The following BUB1 variants were observed in gnomAD, a reference collection of about 807,000 sequenced individuals.
The protein encoded by BUB1 is mitotic checkpoint serine/threonine-protein kinase BUB1.
In BUB1, 84 loss-of-function variants were observed where a neutral mutation model predicts 135.2. That is an observed-to-expected ratio of 0.62 (90% CI 0.52 to 0.74). The LOEUF (loss-of-function observed/expected upper bound fraction) is 0.74. Among genes scored for constraint, BUB1 ranks in the 30% least tolerant of loss-of-function variants. The pLI, the probability that BUB1 is intolerant of heterozygous loss-of-function variation, is 0.00. For synonymous variants in BUB1, 403 were observed against 434.4 expected (o/e 0.93, Z 0.90); for missense variants, 1,162 against 1,288.3 (o/e 0.90, Z 1.50).
intron 17 of BUB1, 103 bp downstream of exon 17, chr2:110,653,333 G>A: frequency 8.8e-7 from 1 of 1,141,574 alleles, no homozygotes; most frequent in Non-Finnish European, 1.3e-6. Flanking sequence ...GCTAAAATTA[G>A]GTATTCTATT....
At chr2:110,654,889 G>A (rs1689884067) in intron 16 of BUB1, among the ~76,000 whole-genome samples, 1 of 152,094 alleles carries the variant, frequency 6.6e-6, no homozygotes, top group Non-Finnish European at 1.5e-5. Context: ...TATTTTAAAA[G>A]CGTGAGCAAT....
Position 110,642,163 on chromosome 2 carries a change from C to T in BUB1, c.2419G>A (p.Gly807Arg), listed in dbSNP as rs1484846860. Residue 807 changes from glycine to arginine, a missense_variant, in exon 20 of 25, where the codon GGA (glycine) becomes AGA (arginine). Coordinates refer to ENST00000302759, the MANE Select transcript of BUB1 (RefSeq NM_004336.5). ...TTATTTTTAGCATCATTCAGATCTC[C>T]CTGGGTAGCTTCGTACACCTGGGCA... is the stretch of plus-strand genomic sequence containing the variant. The part of the protein sequence containing the change: ...AFAQVYEATQ[G>R]DLNDAKNKQK... 5 of 1,613,548 alleles carry T rather than the reference C, an allele frequency of 3.1e-6. No homozygotes were observed. In the Admixed American group the frequency reaches 8.3e-5, roughly 27 times the overall value.
intron 10 of BUB1, chr2:110,661,322 T>A (rs950499785): frequency 6.8e-6 from 3 of 444,196 alleles, no homozygotes; most frequent in Non-Finnish European, 1.2e-5. Flanking sequence ...AGTTACAAAG[T>A]GACTGTTGAC....
intron 1 of BUB1, among the ~76,000 whole-genome samples, chr2:110,676,884 C>A (rs1032920302): frequency 4.0e-5 from 6 of 151,896 alleles, no homozygotes; most frequent in African/African-American, 1.5e-4. Flanking sequence ...TGTTCTAAAT[C>A]TTCTTTTAGT....
intron 9 of BUB1, among the ~76,000 whole-genome samples, chr2:110,662,351 C>A (rs1036603591): frequency 2.6e-5 from 4 of 152,174 alleles, no homozygotes; most frequent in Non-Finnish European, 5.9e-5. Context: ...GCCACAAAAG[C>A]CTGTCTCACA....
In BUB1 at chr2:110,649,267, G is replaced by A; in HGVS notation, c.2314C>T (p.Pro772Ser). 1.9e-6 allele frequency: 3 copies of A among 1,612,042 alleles called. No individual in the cohort carries two copies. In the East Asian group the frequency reaches 6.7e-5, roughly 36 times the overall value. ...PNTFEWQCKLPAIKPKTEFQL... is the reference protein window; with the variant it reads ...PNTFEWQCKLSAIKPKTEFQL... ...AATTCAGTCTTGGGCTTGATGGCTG[G>A]AAGTTTACATTGCCATTCAAAAGTA... The change falls in exon 19 of 25, where the codon CCA becomes TCA. Residue 772 changes from proline (P) to serine (S), a missense_variant. Transcript: ENST00000302759.
chr2:110,671,379 A>T (rs1411784668), intron 4 of BUB1, among the ~76,000 whole-genome samples: 1 of 152,242 alleles, frequency 6.6e-6, no homozygotes, highest in East Asian at 1.9e-4. Flanking sequence ...ACAAAATGTT[A>T]ATTATTAAAA....
At chr2:110,647,026 A>C (rs1294725830) in intron 19 of BUB1, among the ~76,000 whole-genome samples, 1 of 152,238 alleles carries the variant, frequency 6.6e-6, no homozygotes, top group Non-Finnish European at 1.5e-5. Context: ...TCTGTTAAAG[A>C]AATGGAATCA....
In BUB1 at chr2:110,667,673, T is replaced by C. The variant is rs745683093; in HGVS notation, c.653A>G (p.Glu218Gly). The C allele has an allele frequency of 6.2e-7, 1 of 1,613,506 alleles. No homozygotes were observed. Among genetic ancestry groups the C allele is most frequent in the Non-Finnish European group, 8.5e-7 (1 of 1,179,858 alleles). Residue 218 changes from glutamate (E) to glycine (G), a missense_variant, in exon 8 of 25, where the codon GAA (glutamate) becomes GGA (glycine). Coordinates refer to ENST00000302759, the MANE Select transcript of BUB1 (RefSeq NM_004336.5). ...TGCCAAAGATGAGTGCACAGAATATTCTGATTTAGAAATCGTGATCACTCT... is the reference window on the plus strand; with the variant it reads ...TGCCAAAGATGAGTGCACAGAATATCCTGATTTAGAAATCGTGATCACTCT... ...ERRVITISKS[E>G]YSVHSSLASK...
chr2:110,661,822 C>T lies in BUB1; in HGVS notation c.977G>A (p.Gly326Glu). Residue 326 changes from glycine to glutamate, a missense_variant, in exon 10 of 25, where the codon GGG (glycine) becomes GAG (glutamate). By Grantham distance (98) the Gly-to-Glu change is moderately conservative. Coordinates refer to ENST00000302759, the MANE Select transcript of BUB1 (RefSeq NM_004336.5). ...TTCCTGCTGGGAGCCTACACTTGGC[C>T]CCATACGTGCTGGATTAACCTTTCA... ...ERSEVNPARM[G>E]PSVGSQQELR... The T allele has an allele frequency of 4.3e-6, 7 of 1,614,138 alleles. No individual in the cohort carries two copies. Among genetic ancestry groups the T allele is most frequent in the Non-Finnish European group, 5.9e-6 (7 of 1,180,020 alleles).
At position 110,650,764 on chromosome 2, in the gene BUB1, G is replaced by A. The variant is rs199900707; in HGVS notation, c.1985C>T (p.Pro662Leu). The A allele has an allele frequency of 3.3e-5, 54 of 1,613,732 alleles. No homozygotes were observed. The Admixed American group carries it at 5.0e-4, about 15-fold the overall frequency. The stretch of plus-strand genomic sequence containing the variant: ...CATGTGAGACGACAAGGCCTGTTTT[G>A]GGCTTTTCTCTTGAATTGGACTGGA... ...GKFSPIQEKSPKQALSSHMYS... is the reference protein window; with the variant it reads ...GKFSPIQEKSLKQALSSHMYS... Residue 662 changes from proline (P) to leucine (L), a missense_variant, in exon 18 of 25, where the codon CCA becomes CTA. By Grantham distance (98) the Pro-to-Leu change is moderately conservative. Transcript: ENST00000302759.
In BUB1 at chr2:110,650,611, T is replaced by A; in HGVS notation, c.2138A>T (p.Asp713Val). ...TTCTGCTTGGAGCCCAGCAATAGCA[T>A]CTGGTGGATCTTCTGCAATGGCAGC... is the stretch of plus-strand genomic sequence containing the variant. ...TDAAIAEDPP[D>V]AIAGLQAEWM... The change falls in exon 18 of 25, where the codon GAT becomes GTT. Residue 713 changes from aspartate to valine, a missense_variant. By Grantham distance (152) the Asp-to-Val change is radical (BLOSUM62 -3). Transcript: ENST00000302759. 1 of 1,613,942 alleles carries A rather than the reference T, an allele frequency of 6.2e-7. No individual in the cohort carries two copies. Among genetic ancestry groups the A allele is most frequent in the Non-Finnish European group, 8.5e-7 (1 of 1,179,948 alleles).
rs1471432279 is a variant in BUB1 at position 110,667,594 on chromosome 2, A to G, written c.732T>C (p.Arg244=). ...VVMYCKEKLI[R]GESEFSFEEL... is the part of the protein sequence containing the mutation. The stretch of plus-strand genomic sequence containing the variant: ...CTTCAAAGGAAAATTCTGATTCCCC[A>G]CGAATAAGCTTCTCCTTGCAATACA... The change falls in exon 8 of 25, where the codon CGT becomes CGC. Residue 244 remains arginine, a synonymous_variant. Coordinates refer to ENST00000302759, the MANE Select transcript of BUB1 (RefSeq NM_004336.5). 1.2e-6 allele frequency: 2 copies of G among 1,614,034 alleles called. No homozygotes were observed. Among genetic ancestry groups the G allele is most frequent in the Non-Finnish European group, 8.5e-7 (1 of 1,179,984 alleles).
chr2:110,675,292 G>T (rs1690544321), intron 1 of BUB1: 1 of 152,260 alleles, frequency 6.6e-6, no homozygotes, highest in Non-Finnish European at 1.5e-5. Context: ...CATATAATAG[G>T]AGAAAGGGTG....
intron 6 of BUB1, among the ~76,000 whole-genome samples, chr2:110,668,470 T>C (rs940848894): frequency 6.6e-6 from 1 of 152,210 alleles, no homozygotes; most frequent in African/African-American, 2.4e-5. Flanking sequence ...GCGCATATTC[T>C]ACTTCTAAGA....
rs1690644310 is a variant in BUB1, at chr2:110,678,052, G to A, written c.-57C>T. 4 of 1,559,636 alleles carry A rather than the reference G, an allele frequency of 2.6e-6. No homozygotes were observed. The South Asian group carries it at 3.5e-5, about 14-fold the overall frequency. ...CCTGAACCGCAAACTAGAAGCCGCC[G>A]CCGATTCGAATACCCCGCGCAGCCG... On this transcript the variant is annotated 5_prime_UTR_variant, in exon 1 of 25. Transcript: ENST00000302759.
At position 110,655,919 on chromosome 2, in the gene BUB1, A is replaced by AT. The variant is rs1302930254; in HGVS notation, c.1699-4dup. On this transcript the variant is annotated splice_region_variant and splice_polypyrimidine_tract_variant and intron_variant, in intron 15 of 24. Coordinates refer to ENST00000302759, the MANE Select transcript of BUB1 (RefSeq NM_004336.5). ...TCTTCAGCATGAGGCACTTCCTCCT[A>AT]TAACAGAAGATGAAATGAAAAAAAA... 6.2e-7 allele frequency: 1 copy of AT among 1,610,908 alleles called. No individual in the cohort carries two copies.
chr2:110,655,917 C>T lies in BUB1; in HGVS notation c.1699-1G>A. 6.2e-7 allele frequency: 1 copy of T among 1,611,248 alleles called. No individual in the cohort carries two copies. ...ACTCTTCAGCATGAGGCACTTCCTC[C>T]TATAACAGAAGATGAAATGAAAAAA... On this transcript the variant is annotated splice_acceptor_variant, in intron 15 of 24. Coordinates refer to ENST00000302759, the MANE Select transcript of BUB1 (RefSeq NM_004336.5). LOFTEE classifies it high-confidence loss of function.
At chr2:110,663,788 G>A (rs920971371) in intron 9 of BUB1, among the ~76,000 whole-genome samples, 1 of 152,196 alleles carries the variant, frequency 6.6e-6, no homozygotes, top group Non-Finnish European at 1.5e-5. Flanking sequence ...CAACACTTTG[G>A]GGGGCCAAGG....
Sources: gnomAD v4.1 joint callset for allele counts (sites outside exome capture counted in the v4.1 genomes callset) on GRCh38, gnomAD v4.1.1 for gene constraint, MANE v1.5 for transcripts, NCBI Gene and HGNC (gene_info 2026-07-23, HGNC 2026-07-21) for gene names.